Variants in PRELID2 observed in about 807,000 individuals in gnomAD.
The protein encoded by PRELID2 is PRELI domain-containing protein 2.
Under a neutral mutation model 28.4 loss-of-function variants are expected in PRELID2, and 25 were observed. The ratio of observed to expected loss-of-function variants is 0.88; its 90% CI spans 0.64 to 1.23. PRELID2 has a LOEUF of 1.23. Ranked by LOEUF, PRELID2 falls within the 50% of genes most tolerant of loss-of-function variation. The probability of loss-of-function intolerance (pLI) is 0.00; values close to 1 mark genes in which losing one functional copy is unlikely to be tolerated. For missense variants in PRELID2, 201 were observed against 214.4 expected (o/e 0.94, Z 0.39); for synonymous variants, 76 against 71.6 (o/e 1.06, Z -0.31).
At chr5:145,267,033 G>A in the PRELID2 span, among the ~76,000 whole-genome samples, 8 of 152,054 alleles carry the variant, frequency 5.3e-5, no homozygotes, top group African/African-American at 1.9e-4. Context: ...GGAAAAAGGA[G>A]TTTATTAAGT....
the PRELID2 span, among the ~76,000 whole-genome samples, chr5:145,447,050 AAAATAAAT>A: frequency 2.5e-3 from 354 of 140,236 alleles, no homozygotes; most frequent in Non-Finnish European, 3.9e-3. Context: ...ACTCCATCTC[AAAATAAAT>A]AAATAAATAA....
At chr5:145,697,355 A>C (rs1454095619) in intron 1 of PRELID2, among the ~76,000 whole-genome samples, 1 of 151,942 alleles carries the variant, frequency 6.6e-6, no homozygotes, top group Non-Finnish European at 1.5e-5. Flanking sequence ...AAACTCAACG[A>C]GGCTAAGAAA....
chr5:145,479,863 T>C (rs1752141162), intron 1 of PRELID2, among the ~76,000 whole-genome samples: 1 of 152,192 alleles, frequency 6.6e-6, no homozygotes, highest in Admixed American at 6.5e-5. Flanking sequence ...GGGGGTAAGA[T>C]AACCCCAGAG....
At chr5:145,289,619 G>A in the PRELID2 span, among the ~76,000 whole-genome samples, 63 of 152,272 alleles carry the variant, frequency 4.1e-4, no homozygotes, top group South Asian at 5.0e-3. Flanking sequence ...ATACCTAGGA[G>A]CACTATTCCT....
the PRELID2 span, among the ~76,000 whole-genome samples, chr5:145,432,784 C>G: frequency 6.6e-6 from 1 of 152,136 alleles, no homozygotes; most frequent in Admixed American, 6.5e-5. Flanking sequence ...TTTAAGAAAC[C>G]TCTTTCTGCC....
At chr5:145,490,445 T>C (rs1339344325) in intron 1 of PRELID2, among the ~76,000 whole-genome samples, 2 of 152,142 alleles carry the variant, frequency 1.3e-5, no homozygotes, top group Non-Finnish European at 2.9e-5. Flanking sequence ...TTGAAACTAA[T>C]ATATGTTGTA....
Position 145,576,967 on chromosome 5 carries a change from A to C in PRELID2, n.71-103652T>G, listed in dbSNP as rs151188710. Among the ~76,000 whole-genome samples, 12 of 152,252 alleles carry C rather than the reference A, an allele frequency of 7.9e-5. 1 individual carries two copies. The highest frequency in any genetic ancestry group is 2.9e-4 in the African/African-American group (12 of 41,566). Reference sequence around the variant, plus strand: ...ATCCATGCCAGTCTCAGAGGCCATAAAATTCTGTCCAGCATTATGCTTGTT... The same window carrying C: ...ATCCATGCCAGTCTCAGAGGCCATACAATTCTGTCCAGCATTATGCTTGTT... On this transcript the variant is annotated intron_variant and non_coding_transcript_variant, in intron 1 of 2. Coordinates refer to the PRELID2 transcript ENST00000510259.
intron 1 of PRELID2, among the ~76,000 whole-genome samples, chr5:145,604,904 T>TATATATATATATATATATATATATATA (rs1176131792): frequency 7.2e-6 from 1 of 138,080 alleles, no homozygotes; most frequent in Non-Finnish European, 1.6e-5. Context: ...TATATATATA[T>TATATATATATATATATATATATATATA]TCTATTGAAT....
At chr5:145,680,136 A>G (rs1034666317) in intron 1 of PRELID2, among the ~76,000 whole-genome samples, 1 of 152,190 alleles carries the variant, frequency 6.6e-6, no homozygotes, top group Non-Finnish European at 1.5e-5. Flanking sequence ...TAAAAAATAT[A>G]GAATCGAGGG....
chr5:145,803,735 T>TAAAAAAAAAAAAA (rs11368542), intron 4 of PRELID2, among the ~76,000 whole-genome samples: 1 of 134,762 alleles, frequency 7.4e-6, no homozygotes, highest in Non-Finnish European at 1.6e-5. Flanking sequence ...CAATTTAAAG[T>TAAAAAAAAAAAAA]AAAAAAAAAA....
At chr5:145,714,473 T>A (rs1230613254) in intron 1 of PRELID2, among the ~76,000 whole-genome samples, 1 of 151,976 alleles carries the variant, frequency 6.6e-6, no homozygotes, top group African/African-American at 2.4e-5. Flanking sequence ...AAGAATCAAA[T>A]CGTTTTTGAA....
the PRELID2 span, among the ~76,000 whole-genome samples, chr5:145,241,967 TG>T: frequency 2.0e-5 from 3 of 151,930 alleles, no homozygotes; most frequent in Admixed American, 2.0e-4. Context: ...TTCCCCATAA[TG>T]GTTCTGCAGT....
intron 1 of PRELID2, among the ~76,000 whole-genome samples, chr5:145,570,750 T>C (rs9324985): frequency 0.037 from 5,635 of 152,288 alleles, 336 homozygotes; most frequent in African/African-American, 0.13. Context: ...GCTTTTGTCA[T>C]TGTCCTCCCA....
At chr5:145,485,658 C>G (rs1394114914) in intron 1 of PRELID2, among the ~76,000 whole-genome samples, 1 of 152,166 alleles carries the variant, frequency 6.6e-6, no homozygotes, top group Non-Finnish European at 1.5e-5. Flanking sequence ...TGCAACCCAC[C>G]CATCCATTCC....
the PRELID2 span, among the ~76,000 whole-genome samples, chr5:145,240,421 C>A: frequency 1.1e-4 from 16 of 151,830 alleles, no homozygotes; most frequent in African/African-American, 3.9e-4. Context: ...ATATTTTTTT[C>A]TGATATATAC....
intron 1 of PRELID2, among the ~76,000 whole-genome samples, chr5:145,556,444 T>C (rs1752880901): frequency 6.6e-6 from 1 of 152,198 alleles, no homozygotes; most frequent in African/African-American, 2.4e-5. Context: ...ATTTCAGCTC[T>C]GGTATTTCTC....
chr5:145,582,555 T>C (rs1753116292), intron 1 of PRELID2, among the ~76,000 whole-genome samples: 2 of 152,010 alleles, frequency 1.3e-5, no homozygotes, highest in Non-Finnish European at 2.9e-5. Context: ...ATCAAAGCAC[T>C]GTCTCAGAGT....
chr5:145,239,105 A>G, the PRELID2 span, among the ~76,000 whole-genome samples: 1 of 152,196 alleles, frequency 6.6e-6, no homozygotes, highest in African/African-American at 2.4e-5. Flanking sequence ...TATGAGCTCT[A>G]CGAGGGCAAG....
chr5:145,430,396 G>T, the PRELID2 span, among the ~76,000 whole-genome samples: 1 of 152,156 alleles, frequency 6.6e-6, no homozygotes, highest in Non-Finnish European at 1.5e-5. Context: ...TTGCCGGGGA[G>T]TTCTGCTTCA....
Sources: allele counts gnomAD v4.1 joint callset (sites outside exome capture counted in the v4.1 genomes callset), GRCh38; gene constraint gnomAD v4.1.1; transcripts MANE v1.5; gene names NCBI Gene and HGNC (gene_info 2026-07-23, HGNC 2026-07-21).